The following TENM4 variants were observed in gnomAD, a reference collection of about 807,000 sequenced individuals.
TENM4 encodes teneurin-4.
TENM4 carries 82 observed loss-of-function variants against 243.3 expected under a neutral mutation model. The observed-to-expected ratio is 0.34, with a 90% CI of 0.28 to 0.40. TENM4 has a LOEUF of 0.40. TENM4 is among the 10% of genes least tolerant of loss of function. The pLI, the probability that TENM4 is intolerant of heterozygous loss-of-function variation, is 1.00. For synonymous variants in TENM4, 1,412 were observed against 1,456.3 expected, an observed-to-expected ratio of 0.97 and a Z score of 0.69; for missense variants, 3,138 against 3,673.3, an observed-to-expected ratio of 0.85 and a Z score of 3.77.
intron 6 of TENM4, among the ~76,000 whole-genome samples, chr11:78,959,961 C>T (rs1355899690): frequency 6.6e-6 from 1 of 151,986 alleles, no homozygotes; most frequent in Non-Finnish European, 1.5e-5. Flanking sequence ...ATATATATTT[C>T]CCCCCTACCC....
intron 3 of TENM4, among the ~76,000 whole-genome samples, chr11:79,156,089 C>T (rs1862609824): frequency 6.6e-6 from 1 of 152,178 alleles, no homozygotes; most frequent in African/African-American, 2.4e-5. Flanking sequence ...ACTGGCCTCT[C>T]CCAGCAGAAG....
rs1021268024 is a variant in TENM4, at chr11:79,302,115, C to T, written c.-320-4572G>A. Among the ~76,000 whole-genome samples, 3 of 152,276 alleles carry T rather than the reference C, an allele frequency of 2.0e-5. No individual in the cohort carries two copies. The South Asian group carries it at 6.2e-4, about 32-fold the overall frequency. On this transcript the variant is annotated intron_variant, in intron 1 of 33. Coordinates refer to ENST00000278550, the MANE Select transcript of TENM4 (RefSeq NM_001098816.3). Reference sequence around the variant, plus strand: ...CACTCAATAAATACTTACTGGATTACTTTCTTTAAAAATATATATTAAAAA... The same window carrying T: ...CACTCAATAAATACTTACTGGATTATTTTCTTTAAAAATATATATTAAAAA...
At chr11:79,243,601 G>A (rs1445392900) in intron 2 of TENM4, among the ~76,000 whole-genome samples, 2 of 152,196 alleles carry the variant, frequency 1.3e-5, no homozygotes, top group Non-Finnish European at 2.9e-5. Context: ...CAAGAACACA[G>A]CCACTGTCTC....
In TENM4 at chr11:79,069,903, C is replaced by T. The variant is rs1049852249; in HGVS notation, c.42G>A (p.Arg14=). The T allele has an allele frequency of 7.8e-6, 12 of 1,547,866 alleles. No individual in the cohort carries two copies. Among genetic ancestry groups the T allele is most frequent in the Non-Finnish European group, 1.0e-5 (12 of 1,146,686 alleles). ...TGTAGCGGCGCTCGGCGTCGCGGCG[C>T]CGGGTCAGCGAGCGGTAAGGCTTCC... ...KERKPYRSLT[R]RRDAERRYTS... is the part of the protein sequence containing the mutation. Residue 14 remains arginine, a synonymous_variant, in exon 5 of 34, where the codon CGG becomes CGA. Transcript: ENST00000278550.
intron 4 of TENM4, among the ~76,000 whole-genome samples, chr11:79,071,486 T>C (rs1401882043): frequency 6.7e-6 from 1 of 149,940 alleles, no homozygotes; most frequent in African/African-American, 2.5e-5. Flanking sequence ...GTCTGGGGGG[T>C]GGGGGTGTCT....
At chr11:79,124,611 GTA>G (rs1391769585) in intron 4 of TENM4, among the ~76,000 whole-genome samples, 3 of 149,794 alleles carry the variant, frequency 2.0e-5, no homozygotes, top group Non-Finnish European at 4.4e-5. Flanking sequence ...GTGTGTGTGT[GTA>G]TATATACATA....
chr11:79,080,447 A>G (rs1055352915), intron 4 of TENM4, among the ~76,000 whole-genome samples: 2 of 152,228 alleles, frequency 1.3e-5, no homozygotes, highest in African/African-American at 4.8e-5. Flanking sequence ...TGAAGGAGGA[A>G]TCCCTGGGCC....
chr11:79,031,800 T>C (rs190289800), intron 6 of TENM4, among the ~76,000 whole-genome samples: 1 of 152,302 alleles, frequency 6.6e-6, no homozygotes, highest in East Asian at 1.9e-4. Flanking sequence ...GCTAGGGCAT[T>C]GGTTCTTAAC....
At chr11:79,415,927 G>T (rs1425836780) in intron 1 of TENM4, among the ~76,000 whole-genome samples, 2 of 147,944 alleles carry the variant, frequency 1.4e-5, no homozygotes, top group African/African-American at 2.5e-5. Flanking sequence ...CCCCTGACCT[G>T]CTTCCTATCA....
At chr11:78,836,133 G>A (rs1222111840) in intron 12 of TENM4, among the ~76,000 whole-genome samples, 1 of 152,184 alleles carries the variant, frequency 6.6e-6, no homozygotes, top group Non-Finnish European at 1.5e-5. Context: ...CGAGGTGGAT[G>A]GGTCACCTGA....
intron 18 of TENM4, among the ~76,000 whole-genome samples, chr11:78,764,702 T>C (rs1856505392): frequency 6.6e-6 from 1 of 152,168 alleles, no homozygotes; most frequent in Non-Finnish European, 1.5e-5. Flanking sequence ...ATTATGTGGC[T>C]GGCAGGACCT....
intron 1 of TENM4, among the ~76,000 whole-genome samples, chr11:79,347,363 C>G (rs1002123624): frequency 6.6e-6 from 1 of 152,174 alleles, no homozygotes; most frequent in African/African-American, 2.4e-5. Context: ...ATTTTCTTAA[C>G]CATTCAAGGA....
chr11:78,835,485 A>G (rs1240876905), intron 12 of TENM4, among the ~76,000 whole-genome samples: 1 of 152,160 alleles, frequency 6.6e-6, no homozygotes, highest in African/African-American at 2.4e-5. Context: ...TAGCCTGGTG[A>G]CAGAGCAAGA....
intron 2 of TENM4, chr11:79,269,625 C>G (rs1590840301): frequency 1.3e-5 from 2 of 152,412 alleles, no homozygotes; most frequent in African/African-American, 4.8e-5. Context: ...CTCAGGGCTC[C>G]TCAGGGCCCT....
Position 79,438,353 on chromosome 11 carries a change from A to T in TENM4, c.-321+2156T>A, listed in dbSNP as rs1408233484. Reference sequence around the variant, plus strand: ...GCTGGAGGGAAGCGGCGAAACGGGGAGAATAAACGCAACAGAAGCAAACTG... The same window carrying T: ...GCTGGAGGGAAGCGGCGAAACGGGGTGAATAAACGCAACAGAAGCAAACTG... On this transcript the variant is annotated intron_variant, in intron 1 of 33. Transcript: ENST00000278550. This position sits in a 1 kb window ranked among gnomAD's most constrained non-coding sequence, Gnocchi z 4.1. Among the ~76,000 whole-genome samples the T allele has an allele frequency of 6.6e-6, 1 of 152,162 alleles. No individual in the cohort carries two copies. The highest frequency in any genetic ancestry group is 1.5e-5 in the Non-Finnish European group (1 of 68,036).
In TENM4 at chr11:78,657,976, A is replaced by G. The variant is rs1565316740; in HGVS notation, c.*82T>C. ...TTGTTTCTGCACTTGTTAAAAAATC[A>G]TTTTTTTAAAAGTACAACACAGTCA... On this transcript the variant is annotated 3_prime_UTR_variant, in exon 34 of 34. Transcript: ENST00000278550. 6.3e-7 allele frequency: 1 copy of G among 1,599,824 alleles called. No homozygotes were observed. The highest frequency in any genetic ancestry group is 2.2e-5 in the East Asian group (1 of 44,824).
intron 2 of TENM4, among the ~76,000 whole-genome samples, chr11:79,295,027 C>T (rs1437176989): frequency 2.0e-5 from 3 of 152,250 alleles, no homozygotes; most frequent in South Asian, 2.1e-4. Flanking sequence ...ACAAGGATGA[C>T]GCAGACAGGA....
At chr11:78,913,634 T>TGTGTGTG (rs1856247645) in intron 6 of TENM4, among the ~76,000 whole-genome samples, 1 of 141,738 alleles carries the variant, frequency 7.1e-6, no homozygotes, top group Non-Finnish European at 1.5e-5. Flanking sequence ...TGTGTGAGTG[T>TGTGTGTG]CGGGGGTGGA....
intron 30 of TENM4, among the ~76,000 whole-genome samples, chr11:78,672,918 G>A (rs979486840): frequency 3.3e-5 from 5 of 151,940 alleles, no homozygotes; most frequent in African/African-American, 4.8e-5. Flanking sequence ...CCCCTGTCGG[G>A]TGTCTCCTGC....
Sources: allele counts gnomAD v4.1 joint callset (sites outside exome capture counted in the v4.1 genomes callset), GRCh38; gene constraint gnomAD v4.1.1; non-coding constraint Gnocchi (gnomAD v3.1); transcripts MANE v1.5; gene names NCBI Gene and HGNC (gene_info 2026-07-23, HGNC 2026-07-21).